Variants in TLN2 observed in about 807,000 individuals in gnomAD.
TLN2 encodes the protein talin-2.
Under a neutral mutation model 294.7 loss-of-function variants are expected in TLN2, and 118 were observed. The observed-to-expected ratio is 0.40, with a 90% CI of 0.34 to 0.47. The LOEUF (loss-of-function observed/expected upper bound fraction) is 0.47, where lower values mean the gene tolerates loss of function less well. Ranked by LOEUF, TLN2 falls within the 20% of genes least tolerant of loss-of-function variation. TLN2 has a pLI of 0.84. For synonymous variants in TLN2, 1,431 were observed against 1,304.5 expected (o/e 1.10, Z -2.09); for missense variants, 3,083 against 3,282.2 (o/e 0.94, Z 1.48).
chr15:62,597,240 G>T (rs1441175779), intron 2 of TLN2, among the ~76,000 whole-genome samples: 7 of 152,046 alleles, frequency 4.6e-5, no homozygotes. Context: ...TTTATATTCT[G>T]TTCTTCAATC....
At chr15:62,817,733 A>G (rs1166712785) in intron 52 of TLN2, among the ~76,000 whole-genome samples, 1 of 152,120 alleles carries the variant, frequency 6.6e-6, no homozygotes, top group African/African-American at 2.4e-5. Context: ...TGGGGCACCA[A>G]GAAGGGAATT....
intron 13 of TLN2, 45 bp from the exon 14 acceptor site, chr15:62,694,271 G>T: frequency 1.9e-6 from 3 of 1,598,200 alleles, no homozygotes; most frequent in Non-Finnish European, 8.6e-7. Context: ...GCCACCGCGC[G>T]TGGCCTGGTT....
rs771334893 is a variant in TLN2, at chr15:62,700,630, C to G, written c.1588-476C>G. ...TGAGCATGGCCCTTAGTTGTCTTTA[C>G]GACAATGCACGTTGTAAGCAAGAGG... On this transcript the variant is annotated intron_variant, in intron 16 of 58. Coordinates refer to ENST00000636159, the MANE Select transcript of TLN2 (RefSeq NM_015059.3). Among the ~76,000 whole-genome samples the G allele has an allele frequency of 4.6e-5, 7 of 152,222 alleles. No homozygotes were observed. The East Asian group carries it at 1.4e-3, about 29-fold the overall frequency.
intron 44 of TLN2, among the ~76,000 whole-genome samples, chr15:62,783,406 A>AC (rs1034125155): frequency 2.8e-4 from 43 of 152,020 alleles, no homozygotes; most frequent in Middle Eastern, 3.4e-3. Context: ...TCCTCTGGTG[A>AC]CCCCCCAGGG....
intron 3 of TLN2, among the ~76,000 whole-genome samples, chr15:62,638,898 T>G (rs189856103): frequency 6.6e-6 from 1 of 152,186 alleles, no homozygotes; most frequent in African/African-American, 2.4e-5. Flanking sequence ...AACTTCATCT[T>G]GTTAGCCATG....
chr15:62,620,291 T>C (rs532382806), intron 3 of TLN2, among the ~76,000 whole-genome samples: 1 of 152,320 alleles, frequency 6.6e-6, no homozygotes, highest in Admixed American at 6.5e-5. Context: ...AAAATGTTCC[T>C]GTGTCTGGTG....
At chr15:62,562,451 C>A (rs1185057074) in intron 1 of TLN2, among the ~76,000 whole-genome samples, 2 of 152,194 alleles carry the variant, frequency 1.3e-5, no homozygotes, top group Non-Finnish European at 2.9e-5. Flanking sequence ...GTGCCTGTCT[C>A]CTCCTTGCCT....
chr15:62,433,084 C>T (rs561145933), intron 1 of TLN2, among the ~76,000 whole-genome samples: 2 of 152,192 alleles, frequency 1.3e-5, no homozygotes, highest in South Asian at 4.2e-4. Flanking sequence ...GATGTGTACT[C>T]CTAGGGAGAG....
At position 62,805,671 on chromosome 15, in the gene TLN2, C is replaced by T; in HGVS notation, c.6549C>T (p.Ile2183=). ...AATCCATAAGGATGACGAAAGGCAT[C>T]ACCATGGCAACAGCCAAAGCCGTGG... ...PEESIRMTKG[I]TMATAKAVAA... is the part of the protein sequence containing the mutation. Residue 2183 remains isoleucine (I), a synonymous_variant, in exon 51 of 59, where the codon ATC becomes ATT. Coordinates refer to ENST00000636159, the MANE Select transcript of TLN2 (RefSeq NM_015059.3). The T allele has an allele frequency of 6.2e-7, 1 of 1,614,024 alleles. No homozygotes were observed. Among genetic ancestry groups the T allele is most frequent in the Non-Finnish European group, 8.5e-7 (1 of 1,179,976 alleles).
chr15:62,723,479 C>A (rs1490866682), intron 26 of TLN2, among the ~76,000 whole-genome samples: 1 of 151,992 alleles, frequency 6.6e-6, no homozygotes, highest in Admixed American at 6.6e-5. Flanking sequence ...AAGCAGTGAC[C>A]CCTAAAGTGG....
intron 3 of TLN2, among the ~76,000 whole-genome samples, chr15:62,645,810 G>A (rs1008053632): frequency 1.3e-5 from 2 of 152,094 alleles, no homozygotes; most frequent in African/African-American, 2.4e-5. Context: ...ATGTTACCTG[G>A]GCTGCTCTAA....
chr15:62,827,074 G>GTAAGT (rs3055855), intron 54 of TLN2, among the ~76,000 whole-genome samples: 132,682 of 151,802 alleles, frequency 0.87, 59,791 homozygotes, highest in East Asian at 1. Flanking sequence ...TTCCCTCAAA[G>GTAAGT]TAAGTTTTCA....
chr15:62,782,108 G>A (rs1205433785), intron 44 of TLN2, among the ~76,000 whole-genome samples: 1 of 152,212 alleles, frequency 6.6e-6, no homozygotes, highest in Non-Finnish European at 1.5e-5. Context: ...CTTCCTCGCT[G>A]AAGTGACCAG....
intron 23 of TLN2, among the ~76,000 whole-genome samples, chr15:62,716,786 G>T (rs1402312731): frequency 6.6e-6 from 1 of 152,176 alleles, no homozygotes; most frequent in East Asian, 1.9e-4. Flanking sequence ...CAGTGACTTT[G>T]TCAGGGCTTC....
At chr15:62,633,849 G>T (rs1051751809) in intron 3 of TLN2, among the ~76,000 whole-genome samples, 1 of 152,178 alleles carries the variant, frequency 6.6e-6, no homozygotes, top group Non-Finnish European at 1.5e-5. Flanking sequence ...GAGGCTGGAA[G>T]TTCAAGGTCA....
intron 2 of TLN2, among the ~76,000 whole-genome samples, chr15:62,604,710 T>A (rs11071677): frequency 0.35 from 52,448 of 148,062 alleles, 9,668 homozygotes; most frequent in East Asian, 0.58. Context: ...TTTTTTTTTT[T>A]AATTATTTGA....
Position 62,582,247 on chromosome 15 carries a change from C to CACACACACACA in TLN2, c.-237-7439_-237-7438insCACACACACAA, listed in dbSNP as rs1412650912. ...ACACACACACACACACACACACACA[C>CACACACACACA]ATTCATGCCTGACCCATTCCTGACC... On this transcript the variant is annotated intron_variant, in intron 1 of 58. Transcript: ENST00000636159. Among the ~76,000 whole-genome samples the CACACACACACA allele has an allele frequency of 2.9e-5, 3 of 103,134 alleles. 1 individual carries two copies. Among genetic ancestry groups the CACACACACACA allele is most frequent in the African/African-American group, 1.1e-4 (3 of 27,764 alleles). The allele number at this position is 103,134 out of a possible 152,430, so 67.7% of individuals were successfully genotyped here.
chr15:62,540,276 G>A (rs2041602713), intron 1 of TLN2, among the ~76,000 whole-genome samples: 1 of 151,994 alleles, frequency 6.6e-6, no homozygotes, highest in Non-Finnish European at 1.5e-5. Flanking sequence ...GAAGGCAGAG[G>A]TTGCAGTGAG....
At chr15:62,598,332 G>C (rs1257264534) in intron 2 of TLN2, among the ~76,000 whole-genome samples, 1 of 152,120 alleles carries the variant, frequency 6.6e-6, no homozygotes, top group African/African-American at 2.4e-5. Context: ...GCCACGTCTT[G>C]GACACGTTCT....
Sources: allele counts gnomAD v4.1 joint callset (sites outside exome capture counted in the v4.1 genomes callset), GRCh38; gene constraint gnomAD v4.1.1; transcripts MANE v1.5; gene names NCBI Gene and HGNC (gene_info 2026-07-23, HGNC 2026-07-21).